Variants in ZNF385D observed in about 807,000 individuals in gnomAD.
ZNF385D encodes zinc finger protein 385D.
Under a neutral mutation model 35.8 loss-of-function variants are expected in ZNF385D, and 15 were observed. That is an observed-to-expected ratio of 0.42 (90% CI 0.28 to 0.64). ZNF385D has a LOEUF of 0.64. Among genes scored for constraint, ZNF385D ranks in the 30% least tolerant of loss-of-function variants. The pLI, the probability that ZNF385D is intolerant of heterozygous loss-of-function variation, is 0.23. For missense variants in ZNF385D, 474 were observed against 494.6 expected, an observed-to-expected ratio of 0.96 and a Z score of 0.39; for synonymous variants, 212 against 186.8, an observed-to-expected ratio of 1.13 and a Z score of -1.10.
rs564034201 is a variant in ZNF385D, at chr3:22,056,823, G to A, written c.325+111994C>T. Among the ~76,000 whole-genome samples the A allele has an allele frequency of 1.3e-4, 20 of 152,328 alleles. 1 individual carries two copies. The South Asian group carries it at 3.7e-3, about 28-fold the overall frequency. On this transcript the variant is annotated intron_variant, in intron 3 of 5. Transcript: ENST00000494108. ...TGGCTGGCCTTGGCTACAGGCTGCA[G>A]GTTCAATTCAAATTAGCTCCATGTG...
chr3:22,351,560 G>A (rs1201696729), intron 2 of ZNF385D, among the ~76,000 whole-genome samples: 3 of 151,914 alleles, frequency 2.0e-5, no homozygotes, highest in African/African-American at 7.3e-5. Context: ...TACAATATAA[G>A]CAGTACACTT....
rs115706800 is a variant in ZNF385D, at chr3:22,040,501, T to C, written c.325+128316A>G. Among the ~76,000 whole-genome samples, 365 of 152,316 alleles carry C rather than the reference T, an allele frequency of 2.4e-3. 3 individuals carry two copies. The highest frequency in any genetic ancestry group is 7.8e-3 in the African/African-American group (325 of 41,574). ...TGATGGGTGATAGGAAATTGTAATT[T>C]TGATTTTCTAAAATGGGGAAAAATA... On this transcript the variant is annotated intron_variant, in intron 3 of 5. Coordinates refer to the ZNF385D transcript ENST00000494108.
At chr3:22,260,488 C>T (rs1413281073) in intron 2 of ZNF385D, among the ~76,000 whole-genome samples, 1 of 151,724 alleles carries the variant, frequency 6.6e-6, no homozygotes, top group African/African-American at 2.4e-5. Flanking sequence ...ACATTCTGCA[C>T]ATGTATCCCA....
At chr3:21,701,587 G>T (rs1185410577) in intron 1 of ZNF385D, among the ~76,000 whole-genome samples, 2 of 152,096 alleles carry the variant, frequency 1.3e-5, no homozygotes, top group South Asian at 4.1e-4. Context: ...GTCCCCCAAA[G>T]TCTTAACTCA....
intron 3 of ZNF385D, among the ~76,000 whole-genome samples, chr3:21,953,483 T>C (rs1702155554): frequency 6.6e-6 from 1 of 152,078 alleles, no homozygotes; most frequent in African/African-American, 2.4e-5. Flanking sequence ...CAAGATTAAA[T>C]ATTTACATCC....
chr3:21,941,241 T>C (rs1701500741), intron 3 of ZNF385D, among the ~76,000 whole-genome samples: 1 of 152,174 alleles, frequency 6.6e-6, no homozygotes, highest in Non-Finnish European at 1.5e-5. Flanking sequence ...GGAATTTATA[T>C]GTTACTATGT....
chr3:22,247,670 C>T (rs1699859032), intron 2 of ZNF385D, among the ~76,000 whole-genome samples: 1 of 148,692 alleles, frequency 6.7e-6, no homozygotes, highest in African/African-American at 2.6e-5. Context: ...CTCTCTGTCA[C>T]CCAGTCTGGA....
intron 3 of ZNF385D, among the ~76,000 whole-genome samples, chr3:21,860,121 A>C (rs1356008403): frequency 2.6e-5 from 4 of 152,240 alleles, no homozygotes; most frequent in African/African-American, 9.6e-5. Flanking sequence ...TAGCAAATTA[A>C]CAACTACAGA....
intron 2 of ZNF385D, among the ~76,000 whole-genome samples, chr3:21,643,594 TC>T (rs2065669079): frequency 6.6e-6 from 1 of 152,088 alleles, no homozygotes; most frequent in African/African-American, 2.4e-5. Context: ...GACAGGGAGT[TC>T]AGTAAAATGA....
At chr3:21,678,762 AT>A (rs993099534) in intron 1 of ZNF385D, among the ~76,000 whole-genome samples, 1 of 152,026 alleles carries the variant, frequency 6.6e-6, no homozygotes, top group Non-Finnish European at 1.5e-5. Context: ...TTGGCCCTGC[AT>A]TTTCCTGAAT....
At chr3:22,097,346 G>T (rs1294095530) in intron 3 of ZNF385D, among the ~76,000 whole-genome samples, 1 of 152,004 alleles carries the variant, frequency 6.6e-6, no homozygotes, top group African/African-American at 2.4e-5. Context: ...GGAACTAGAT[G>T]GCAGGCTGAA....
intron 3 of ZNF385D, among the ~76,000 whole-genome samples, chr3:21,870,419 C>T (rs1697624852): frequency 6.6e-6 from 1 of 152,172 alleles, no homozygotes; most frequent in Non-Finnish European, 1.5e-5. Context: ...TGCTCTTCTA[C>T]CCAGTGTGGC....
At chr3:22,159,249 G>T (rs1445771903) in intron 3 of ZNF385D, among the ~76,000 whole-genome samples, 2 of 151,982 alleles carry the variant, frequency 1.3e-5, no homozygotes, top group Non-Finnish European at 2.9e-5. Context: ...ATGCAGAGAA[G>T]CACAAATGAA....
intron 3 of ZNF385D, among the ~76,000 whole-genome samples, chr3:21,545,160 C>G (rs2062327999): frequency 6.6e-6 from 1 of 152,166 alleles, no homozygotes; most frequent in African/African-American, 2.4e-5. Flanking sequence ...TGTAACTACC[C>G]TGGATATTTT....
chr3:21,649,220 T>A (rs1202929236), intron 2 of ZNF385D, among the ~76,000 whole-genome samples: 1 of 152,168 alleles, frequency 6.6e-6, no homozygotes, highest in African/African-American at 2.4e-5. Context: ...ACATTATATG[T>A]TTATTTATAA....
chr3:22,164,451 T>C (rs752755196), intron 3 of ZNF385D, among the ~76,000 whole-genome samples: 2 of 151,684 alleles, frequency 1.3e-5, no homozygotes, highest in Non-Finnish European at 2.9e-5. Context: ...ATGGTCTCGA[T>C]CTCTTGACCT....
chr3:21,795,829 A>G (rs1225209856), intron 3 of ZNF385D, among the ~76,000 whole-genome samples: 1 of 152,246 alleles, frequency 6.6e-6, no homozygotes, highest in East Asian at 1.9e-4. Context: ...ACAGAAGAAG[A>G]ATGACAGGCG....
chr3:21,590,485 G>T (rs1211865864), intron 2 of ZNF385D, among the ~76,000 whole-genome samples: 1 of 151,858 alleles, frequency 6.6e-6, no homozygotes, highest in African/African-American at 2.4e-5. Flanking sequence ...ATATTTTATT[G>T]AAGAAAGCAA....
At position 21,915,292 on chromosome 3, in the gene ZNF385D, CAAA is replaced by C. The variant is rs1423138878; in HGVS notation, c.326-250267_326-250265del. 1.3e-5 allele frequency among the ~76,000 whole-genome samples: 2 copies of C among 151,970 alleles called. 1 individual carries two copies. Among genetic ancestry groups the C allele is most frequent in the Non-Finnish European group, 2.9e-5 (2 of 67,946 alleles). ...GCTGACACTATGATTCTCATTTCCC[CAAA>C]AGCACCTTGGGTTGAGTTTATTTTT... On this transcript the variant is annotated intron_variant, in intron 3 of 5. Coordinates refer to the ZNF385D transcript ENST00000494108.
Sources: allele counts gnomAD v4.1 joint callset (sites outside exome capture counted in the v4.1 genomes callset), GRCh38; gene constraint gnomAD v4.1.1; transcripts MANE v1.5; gene names NCBI Gene and HGNC (gene_info 2026-07-23, HGNC 2026-07-21).